The following TTC23 variants were observed in gnomAD, a reference collection of about 807,000 sequenced individuals.
TTC23 encodes tetratricopeptide repeat domain 23.
A neutral mutation model predicts 55.1 loss-of-function variants in TTC23; 58 were observed. The observed-to-expected ratio is 1.05, with a 90% confidence interval of 0.85 to 1.31. The LOEUF (loss-of-function observed/expected upper bound fraction) is 1.31. TTC23 is among the 50% of genes most tolerant of loss of function. The pLI, the probability that TTC23 is intolerant of heterozygous loss-of-function variation, is 0.00. For missense variants in TTC23, 516 were observed against 534.4 expected (o/e 0.97, Z 0.34); for synonymous variants, 203 against 199.9 (o/e 1.02, Z -0.13).
At chr15:99,209,592 T>C (rs907381618) in intron 8 of TTC23, among the ~76,000 whole-genome samples, 1 of 152,184 alleles carries the variant, frequency 6.6e-6, no homozygotes, top group Non-Finnish European at 1.5e-5. Flanking sequence ...CTTTAGATGC[T>C]ACATTTGAAC....
At chr15:99,147,310 C>T (rs2069037846) in intron 12 of TTC23, among the ~76,000 whole-genome samples, 2 of 150,174 alleles carry the variant, frequency 1.3e-5, no homozygotes, top group South Asian at 2.1e-4. Flanking sequence ...ACTGCAAGCT[C>T]CGCCTCCCAG....
intron 8 of TTC23, among the ~76,000 whole-genome samples, chr15:99,215,422 C>CA (rs1268456085): frequency 6.6e-6 from 1 of 152,042 alleles, no homozygotes; most frequent in East Asian, 1.9e-4. Flanking sequence ...ATATAAGTGA[C>CA]AAACTCCACA....
chr15:99,195,462 T>C lies in TTC23; in HGVS notation c.759+4457A>G, dbSNP rs150004802. On this transcript the variant is annotated intron_variant, in intron 9 of 13. Coordinates refer to ENST00000394132, the MANE Select transcript of TTC23 (RefSeq NM_001288615.3). Reference sequence around the variant, plus strand: ...TTGGATACTTGATGGATATGAAGGATATGGAGTGACAGAAACTCTCGTTCA... The same window carrying C: ...TTGGATACTTGATGGATATGAAGGACATGGAGTGACAGAAACTCTCGTTCA... Among the ~76,000 whole-genome samples the C allele has an allele frequency of 8.5e-3, 1,294 of 152,200 alleles. 16 individuals carry two copies. The highest frequency in any genetic ancestry group is 0.028 in the African/African-American group (1,144 of 41,518).
chr15:99,143,339 T>C (rs1403360902), intron 12 of TTC23, among the ~76,000 whole-genome samples: 1 of 152,234 alleles, frequency 6.6e-6, no homozygotes, highest in Non-Finnish European at 1.5e-5. Flanking sequence ...AGTAGGTGTT[T>C]TGATTCTTTT....
chr15:99,223,154 C>T (rs1026959151), intron 5 of TTC23, among the ~76,000 whole-genome samples: 1 of 152,174 alleles, frequency 6.6e-6, no homozygotes, highest in East Asian at 1.9e-4. Context: ...TTTCAGGCCA[C>T]AGTCTAAAGG....
At chr15:99,171,418 C>T (rs1232976230) in intron 10 of TTC23, among the ~76,000 whole-genome samples, 2 of 152,038 alleles carry the variant, frequency 1.3e-5, no homozygotes, top group African/African-American at 2.4e-5. Flanking sequence ...AGGTCCTGTC[C>T]TGCCTCCGAG....
chr15:99,152,568 C>T (rs552051808), intron 12 of TTC23, among the ~76,000 whole-genome samples: 5 of 152,168 alleles, frequency 3.3e-5, no homozygotes, highest in African/African-American at 7.2e-5. Flanking sequence ...GACGGGGTTT[C>T]GCCATGTTGG....
intron 12 of TTC23, among the ~76,000 whole-genome samples, chr15:99,149,815 G>C (rs1876741): frequency 6.6e-6 from 1 of 152,196 alleles, no homozygotes; most frequent in Non-Finnish European, 1.5e-5. Flanking sequence ...GTGAGTGTAC[G>C]GTGGGGCACA....
At chr15:99,212,599 G>A (rs563762662) in intron 8 of TTC23, among the ~76,000 whole-genome samples, 47 of 152,244 alleles carry the variant, frequency 3.1e-4, no homozygotes, top group Non-Finnish European at 2.8e-4. Context: ...GTCACCCCGC[G>A]GCACTTATCT....
At chr15:99,183,240 C>A (rs1354472910) in intron 9 of TTC23, among the ~76,000 whole-genome samples, 1 of 151,962 alleles carries the variant, frequency 6.6e-6, no homozygotes, top group East Asian at 1.9e-4. Context: ...AGACTGGTGG[C>A]TTTTTGGCCC....
chr15:99,210,428 T>C (rs893642080), intron 8 of TTC23, among the ~76,000 whole-genome samples: 1 of 152,092 alleles, frequency 6.6e-6, no homozygotes, highest in African/African-American at 2.4e-5. Flanking sequence ...AAATATAGGA[T>C]TAGGAAGAGT....
At chr15:99,211,255 AT>A (rs2077013911) in intron 8 of TTC23, among the ~76,000 whole-genome samples, 1 of 152,086 alleles carries the variant, frequency 6.6e-6, no homozygotes, top group Admixed American at 6.6e-5. Context: ...CACATGTGTA[AT>A]CCCAGCTACT....
chr15:99,183,306 G>C (rs2074326997), intron 9 of TTC23, among the ~76,000 whole-genome samples: 1 of 151,442 alleles, frequency 6.6e-6, no homozygotes. Flanking sequence ...GCATCTGGTG[G>C]AAGAAATTTC....
chr15:99,142,917 C>T (rs1254659898), intron 12 of TTC23, among the ~76,000 whole-genome samples: 2 of 152,166 alleles, frequency 1.3e-5, no homozygotes, highest in Admixed American at 1.3e-4. Flanking sequence ...TGAAGAGGGG[C>T]GCCCCATCCT....
chr15:99,182,006 TTTC>T (rs566965668), intron 9 of TTC23, among the ~76,000 whole-genome samples: 101 of 152,316 alleles, frequency 6.6e-4, no homozygotes, highest in Middle Eastern at 3.4e-3. Flanking sequence ...GGGCTTATAT[TTTC>T]TTCGTTTGGT....
At chr15:99,155,731 G>C (rs1165343486) in intron 12 of TTC23, 1 of 196,604 alleles carries the variant, frequency 5.1e-6, no homozygotes, top group Non-Finnish European at 1.0e-5. Context: ...CTGGACAACT[G>C]GGTGGCCATT....
At position 99,137,924 on chromosome 15, in the gene TTC23, A is replaced by G. The variant is rs1345518500; in HGVS notation, c.*86T>C. On this transcript the variant is annotated 3_prime_UTR_variant, in exon 14 of 14. Transcript: ENST00000394132. ...TGGAAATCTGTATCCTGACTGTTGAATTCCATTTTCTAGGCGGAGGTGATT... is the reference window on the plus strand; with the variant it reads ...TGGAAATCTGTATCCTGACTGTTGAGTTCCATTTTCTAGGCGGAGGTGATT... 15 of 1,573,458 alleles carry G rather than the reference A, an allele frequency of 9.5e-6. No homozygotes were observed. Among genetic ancestry groups the G allele is most frequent in the Non-Finnish European group, 4.3e-6 (5 of 1,153,234 alleles).
intron 3 of TTC23, among the ~76,000 whole-genome samples, chr15:99,240,520 A>T (rs567682487): frequency 6.6e-6 from 1 of 152,334 alleles, no homozygotes; most frequent in East Asian, 1.9e-4. Flanking sequence ...CACTAGATCT[A>T]TGCCACCACA....
intron 8 of TTC23, among the ~76,000 whole-genome samples, chr15:99,216,932 G>A (rs2077516966): frequency 6.6e-6 from 1 of 152,184 alleles, no homozygotes. Context: ...GCTGTGTAAG[G>A]ATGGTCATGG....
Sources: allele counts gnomAD v4.1 joint callset (sites outside exome capture counted in the v4.1 genomes callset), GRCh38; gene constraint gnomAD v4.1.1; transcripts MANE v1.5; gene names NCBI Gene and HGNC (gene_info 2026-07-23, HGNC 2026-07-21).